The following CPQ variants were observed in gnomAD, a reference collection of about 807,000 sequenced individuals.
The protein encoded by CPQ is Ser-Met dipeptidase.
CPQ carries 37 observed loss-of-function variants against 45.7 expected under a neutral mutation model. The observed-to-expected ratio is 0.81, with a 90% CI of 0.62 to 1.07. CPQ has a LOEUF of 1.07. Among genes scored for constraint, CPQ ranks in the 50% least tolerant of loss-of-function variants. The pLI is 0.00. For synonymous variants in CPQ, 186 were observed against 205.8 expected, an observed-to-expected ratio of 0.90 and a Z score of 0.82; for missense variants, 537 against 572.9, an observed-to-expected ratio of 0.94 and a Z score of 0.64.
chr8:97,009,463 T>G (rs1179897024), intron 5 of CPQ, among the ~76,000 whole-genome samples: 3 of 152,184 alleles, frequency 2.0e-5, no homozygotes, highest in African/African-American at 7.2e-5. Context: ...TGGGGCAGCA[T>G]TGGCAGGAGG....
rs1050068150 is a variant in CPQ at position 96,707,791 on chromosome 8, G to A, written c.-35+62389G>A. On this transcript the variant is annotated intron_variant, in intron 1 of 7. Transcript: ENST00000220763. ...TTACTTGGCAAAAAATAAAGTGCCA[G>A]TAGAGCTGCATTCCTTCTGGAGGCT... Among the ~76,000 whole-genome samples, 10 of 152,076 alleles carry A rather than the reference G, an allele frequency of 6.6e-5. No individual in the cohort carries two copies. In the East Asian group the frequency reaches 1.2e-3, roughly 18 times the overall value.
intron 1 of CPQ, among the ~76,000 whole-genome samples, chr8:96,757,809 CT>C (rs1422329811): frequency 1.3e-5 from 2 of 152,028 alleles, no homozygotes; most frequent in Admixed American, 1.3e-4. Context: ...GTTGAAGTAT[CT>C]TTTTTTCCAT....
Position 96,785,338 on chromosome 8 carries a change from T to C in CPQ, c.433+8T>C, listed in dbSNP as rs201126730. On this transcript the variant is annotated splice_region_variant and intron_variant, in intron 2 of 7. Transcript: ENST00000220763. ...TTGGGACTCCTCCAGAAGGTATTGTTTGTCTTTTCAGTTTGATTTGTATTT... is the reference window on the plus strand; with the variant it reads ...TTGGGACTCCTCCAGAAGGTATTGTCTGTCTTTTCAGTTTGATTTGTATTT... The C allele has an allele frequency of 5.2e-4, 824 of 1,572,094 alleles. 7 individuals carry two copies. The African/African-American group carries it at 0.01, about 19-fold the overall frequency.
chr8:96,934,947 T>C (rs1181068827), intron 4 of CPQ, among the ~76,000 whole-genome samples: 1 of 152,186 alleles, frequency 6.6e-6, no homozygotes, highest in Non-Finnish European at 1.5e-5. Context: ...CTCTCTACCA[T>C]ACATTTTGAT....
At chr8:97,118,298 C>A (rs1479096006) in intron 7 of CPQ, among the ~76,000 whole-genome samples, 2 of 152,010 alleles carry the variant, frequency 1.3e-5, no homozygotes, top group East Asian at 3.9e-4. Flanking sequence ...CTGGCAGCCA[C>A]CAGATGGTGA....
rs1184433097 is a variant in CPQ, at chr8:96,645,327, C to T, written c.-110C>T. 2.0e-5 allele frequency: 3 copies of T among 152,374 alleles called. No homozygotes were observed. Among genetic ancestry groups the T allele is most frequent in the Admixed American group, 6.5e-5 (1 of 15,290 alleles). The allele number at this position is 152,374 out of a possible 1,614,324, so 9.4% of individuals were successfully genotyped here. ...CCCAGCCCAGTCAGGGGTGTGGCCG[C>T]CGCCACCGTAAGGCTAGGCCGCGAG... On this transcript the variant is annotated 5_prime_UTR_variant, in exon 1 of 8. Coordinates refer to ENST00000220763, the MANE Select transcript of CPQ (RefSeq NM_016134.4).
chr8:96,868,156 G>T (rs1196131023), intron 3 of CPQ, among the ~76,000 whole-genome samples: 1 of 152,066 alleles, frequency 6.6e-6, no homozygotes, highest in East Asian at 1.9e-4. Context: ...CCAGAGTGAG[G>T]TTGAGGCCAA....
intron 7 of CPQ, among the ~76,000 whole-genome samples, chr8:97,087,290 G>A (rs140237394): frequency 5.8e-4 from 89 of 152,200 alleles, no homozygotes; most frequent in African/African-American, 1.9e-3. Context: ...CACAAATTAC[G>A]CGGGACAGAA....
At chr8:97,092,703 T>C (rs1315862751) in intron 7 of CPQ, 3 of 152,110 alleles carry the variant, frequency 2.0e-5, no homozygotes, top group Non-Finnish European at 4.4e-5. Context: ...GTGTAAAACC[T>C]AAAATTATAA....
chr8:96,879,836 C>T lies in CPQ; in HGVS notation c.680C>T (p.Pro227Leu). 6.2e-7 allele frequency: 1 copy of T among 1,614,004 alleles called. No homozygotes were observed. The change falls in exon 4 of 8, where the codon CCC (proline) becomes CTC (leucine). Residue 227 changes from proline (P) to leucine (L), a missense_variant. Coordinates refer to ENST00000220763, the MANE Select transcript of CPQ (RefSeq NM_016134.4). ...ATTCAGGAATACCAGGATGGCGTGC[C>T]CAAGATTCCAACAGCCTGTATTACG... Reference protein sequence around the residue: ...TGIQEYQDGVPKIPTACITVE... With the variant: ...TGIQEYQDGVLKIPTACITVE...
intron 3 of CPQ, among the ~76,000 whole-genome samples, chr8:96,857,112 C>A (rs1811862008): frequency 6.6e-6 from 1 of 152,214 alleles, no homozygotes; most frequent in Non-Finnish European, 1.5e-5. Flanking sequence ...AACTGCCTGC[C>A]TGGCTCTGAT....
chr8:96,996,403 A>G (rs954686846), intron 5 of CPQ, among the ~76,000 whole-genome samples: 62 of 152,032 alleles, frequency 4.1e-4, no homozygotes, highest in Non-Finnish European at 7.7e-4. Flanking sequence ...GGAAAGGTTT[A>G]GATAACATGA....
intron 1 of CPQ, among the ~76,000 whole-genome samples, chr8:96,674,044 A>T (rs1183508573): frequency 6.6e-6 from 1 of 152,164 alleles, no homozygotes; most frequent in Non-Finnish European, 1.5e-5. Flanking sequence ...TAATTGTTCA[A>T]CTAGAAGCAA....
intron 7 of CPQ, among the ~76,000 whole-genome samples, chr8:97,106,411 T>C (rs551301205): frequency 1.3e-5 from 2 of 152,346 alleles, no homozygotes; most frequent in South Asian, 4.1e-4. Flanking sequence ...TAACACATTT[T>C]TATTGAGCAC....
chr8:96,910,351 C>T (rs1408788378), intron 4 of CPQ, among the ~76,000 whole-genome samples: 1 of 152,164 alleles, frequency 6.6e-6, no homozygotes, highest in Non-Finnish European at 1.5e-5. Flanking sequence ...CTACCTTTCT[C>T]CATCCTTGTC....
chr8:97,132,715 T>G (rs1386725375), intron 7 of CPQ: 4 of 152,226 alleles, frequency 2.6e-5, no homozygotes, highest in African/African-American at 4.8e-5. Flanking sequence ...ATGCACTGAA[T>G]GTTCTCATGG....
At chr8:96,681,146 G>T (rs141110862) in intron 1 of CPQ, among the ~76,000 whole-genome samples, 2 of 152,200 alleles carry the variant, frequency 1.3e-5, no homozygotes, top group African/African-American at 2.4e-5. Context: ...CAAGCTGGCT[G>T]TAGAAATTTA....
intron 1 of CPQ, among the ~76,000 whole-genome samples, chr8:96,719,109 G>A (rs1407901301): frequency 6.6e-6 from 1 of 152,248 alleles, no homozygotes; most frequent in Non-Finnish European, 1.5e-5. Context: ...TTGGGTGGTC[G>A]ATAGGACTGG....
intron 1 of CPQ, among the ~76,000 whole-genome samples, chr8:96,779,249 G>C (rs528290104): frequency 6.6e-6 from 1 of 151,910 alleles, no homozygotes; most frequent in Middle Eastern, 3.2e-3. Flanking sequence ...TCCTAAGACT[G>C]TCTTCAGATG....
Sources: gnomAD v4.1 joint callset for allele counts (sites outside exome capture counted in the v4.1 genomes callset) on GRCh38, gnomAD v4.1.1 for gene constraint, MANE v1.5 for transcripts, NCBI Gene and HGNC (gene_info 2026-07-23, HGNC 2026-07-21) for gene names.